Variants in CC2D2B observed in about 807,000 individuals in gnomAD.
The protein encoded by CC2D2B is protein CC2D2B.
A neutral mutation model predicts 161.2 loss-of-function variants in CC2D2B; 128 were observed. The ratio of observed to expected loss-of-function variants is 0.79; its 90% CI spans 0.69 to 0.92. The LOEUF (loss-of-function observed/expected upper bound fraction) is 0.92. Among genes scored for constraint, CC2D2B ranks in the 40% least tolerant of loss-of-function variants. The pLI is 0.00. For missense variants in CC2D2B, 1,173 were observed against 1,375.1 expected, an observed-to-expected ratio of 0.85 and a Z score of 2.32; for synonymous variants, 391 against 449.8, an observed-to-expected ratio of 0.87 and a Z score of 1.65.
intron 6 of CC2D2B, among the ~76,000 whole-genome samples, chr10:95,929,267 T>C (rs2098545267): frequency 6.6e-6 from 1 of 152,204 alleles, no homozygotes; most frequent in Admixed American, 6.5e-5. Flanking sequence ...TGTAAATTTG[T>C]TTAAGTTATT....
At chr10:96,025,363 CAAAAA>C (rs35860002) in intron 33 of CC2D2B, among the ~76,000 whole-genome samples, 4 of 52,498 alleles carry the variant, frequency 7.6e-5, no homozygotes, top group South Asian at 1.4e-3. Flanking sequence ...TGAGGCCTTG[CAAAAA>C]AAAAAAAAAA....
intron 9 of CC2D2B, among the ~76,000 whole-genome samples, chr10:95,947,082 AATATATATAT>A (rs1297977316): frequency 2.5e-5 from 1 of 39,500 alleles, no homozygotes; most frequent in East Asian, 4.3e-4. Flanking sequence ...TGGACTCAAA[AATATATATAT>A]ATATATATAT....
At chr10:95,966,050 T>G in intron 13 of CC2D2B, 52 bp downstream of exon 13, 3 of 792,920 alleles carry the variant, frequency 3.8e-6, no homozygotes, top group Non-Finnish European at 5.1e-6. Context: ...ATATTTTATT[T>G]TTTGATAGAA....
chr10:96,014,913 A>T (rs1014835657), intron 29 of CC2D2B, among the ~76,000 whole-genome samples: 2 of 152,154 alleles, frequency 1.3e-5, no homozygotes, highest in Non-Finnish European at 2.9e-5. Context: ...ATGCACACTG[A>T]TAGGGCCATA....
chr10:96,025,188 AAAAAATATATATATATATATAT>A, intron 33 of CC2D2B, among the ~76,000 whole-genome samples: 1 of 49,566 alleles, frequency 2.0e-5, no homozygotes, highest in East Asian at 7.7e-4. Context: ...TATATATAAA[AAAAAATATATATATATATATAT>A]ATATATATAT....
At chr10:95,958,919 A>G (rs993556169) in intron 11 of CC2D2B, among the ~76,000 whole-genome samples, 2 of 152,182 alleles carry the variant, frequency 1.3e-5, no homozygotes, top group Admixed American at 6.5e-5. Flanking sequence ...AGTACACTCA[A>G]AAGTTGGATA....
chr10:95,961,460 G>A (rs2076759090), intron 11 of CC2D2B: 1 of 153,016 alleles, frequency 6.5e-6, no homozygotes, highest in Non-Finnish European at 1.5e-5. Context: ...CCGGGAGATG[G>A]AGGTTGCAGT....
intron 30 of CC2D2B, among the ~76,000 whole-genome samples, chr10:96,018,566 G>C (rs1488561785): frequency 1.3e-5 from 2 of 152,120 alleles, no homozygotes; most frequent in Non-Finnish European, 2.9e-5. Flanking sequence ...TATCTGTTGG[G>C]AAACCCTTGT....
intron 11 of CC2D2B, among the ~76,000 whole-genome samples, chr10:95,956,951 A>G (rs1430368848): frequency 6.6e-6 from 1 of 152,194 alleles, no homozygotes; most frequent in African/African-American, 2.4e-5. Context: ...CTATAGATGC[A>G]GAACTCATGG....
intron 9 of CC2D2B, among the ~76,000 whole-genome samples, chr10:95,945,325 C>T (rs1430621824): frequency 2.0e-5 from 3 of 152,104 alleles, no homozygotes; most frequent in Admixed American, 2.0e-4. Flanking sequence ...CCCAGCCAGC[C>T]TTGAAGGAAA....
rs2077234694 is a variant in CC2D2B at position 95,974,097 on chromosome 10, A to C, written c.1884A>C (p.Leu628Phe). The C allele has an allele frequency of 1.6e-6, 2 of 1,230,298 alleles. No homozygotes were observed. The highest frequency in any genetic ancestry group is 2.0e-6 in the Non-Finnish European group (2 of 986,402). 76.2% of individuals were successfully genotyped at this position (1,230,298 alleles called of 1,614,324 possible). ...TTAGCTATTCTCTATCATGGAGCTT[A>C]GATGAAAATGGTCTTCCTCTGATAC... The part of the protein sequence containing the change: ...GKLSYSLSWS[L>F]DENGLPLIPM... Residue 628 changes from leucine (L) to phenylalanine (F), a missense_variant, in exon 17 of 35, where the codon TTA becomes TTC. By Grantham distance (22) the Leu-to-Phe change is conservative. Transcript: ENST00000646931.
At chr10:95,987,915 G>C (rs2077796824) in intron 19 of CC2D2B, among the ~76,000 whole-genome samples, 1 of 152,142 alleles carries the variant, frequency 6.6e-6, no homozygotes, top group African/African-American at 2.4e-5. Flanking sequence ...TTTGTTTTTA[G>C]TGATACAGGG....
At position 96,032,380 on chromosome 10, in the gene CC2D2B, T is replaced by C. The variant is rs1026622504; in HGVS notation, c.*372T>C. On this transcript the variant is annotated 3_prime_UTR_variant, in exon 35 of 35. Coordinates refer to ENST00000646931, the MANE Select transcript of CC2D2B (RefSeq NM_001349008.3). The stretch of plus-strand genomic sequence containing the variant: ...CATTTGAATCATCTGGAGAGCCTTG[T>C]TGAAAATGCAGATTACTAGATCCTC... The C allele has an allele frequency of 1.5e-5, 3 of 200,016 alleles. No individual in the cohort carries two copies. Among genetic ancestry groups the C allele is most frequent in the East Asian group, 1.1e-4 (1 of 8,824 alleles). The allele number at this position is 200,016 out of a possible 1,614,324, so 12.4% of individuals were successfully genotyped here. A position where few individuals can be genotyped will look rare whatever the true frequency, so the allele number is the denominator to read the frequency against.
chr10:96,027,434 G>T, intron 34 of CC2D2B, 45 bp downstream of exon 34: 1 of 1,334,368 alleles, frequency 7.5e-7, no homozygotes. Context: ...TTTTATATAT[G>T]TTGTTAATTG....
intron 2 of CC2D2B, 148 bp from the exon 3 acceptor site, chr10:95,921,868 G>C (rs1844729735): frequency 4.3e-6 from 2 of 463,726 alleles, no homozygotes; most frequent in Non-Finnish European, 7.9e-6. Flanking sequence ...GATGGGTGCA[G>C]CAACCAACAT....
intron 25 of CC2D2B, among the ~76,000 whole-genome samples, chr10:96,006,547 T>C (rs1366526033): frequency 6.6e-6 from 1 of 152,108 alleles, no homozygotes; most frequent in Non-Finnish European, 1.5e-5. Context: ...CCATGGTTCA[T>C]TTAGTCAAGC....
At chr10:95,908,642 T>G (rs1242337408) in intron 1 of CC2D2B, among the ~76,000 whole-genome samples, 1 of 152,110 alleles carries the variant, frequency 6.6e-6, no homozygotes, top group African/African-American at 2.4e-5. Flanking sequence ...GAGTGGTCAC[T>G]GCGGCTTAGA....
At chr10:96,001,856 A>T (rs1252454970) in intron 24 of CC2D2B, among the ~76,000 whole-genome samples, 1 of 152,020 alleles carries the variant, frequency 6.6e-6, no homozygotes, top group Non-Finnish European at 1.5e-5. Context: ...TGTACCTCTC[A>T]CTTTGCCTTG....
intron 2 of CC2D2B, among the ~76,000 whole-genome samples, chr10:95,915,488 T>C (rs2098514496): frequency 6.6e-6 from 1 of 152,214 alleles, no homozygotes; most frequent in Non-Finnish European, 1.5e-5. Context: ...TTCCAGATCT[T>C]AGAGGACAGG....
Sources: allele counts gnomAD v4.1 joint callset (sites outside exome capture counted in the v4.1 genomes callset), GRCh38; gene constraint gnomAD v4.1.1; transcripts MANE v1.5; gene names NCBI Gene and HGNC (gene_info 2026-07-23, HGNC 2026-07-21).